Variants in FAM161A observed in about 807,000 individuals in gnomAD.
FAM161A encodes protein FAM161A.
In FAM161A, 57 loss-of-function variants were observed where a neutral mutation model predicts 70.9. That is an observed-to-expected ratio of 0.80 (90% CI 0.65 to 1.00). The LOEUF (loss-of-function observed/expected upper bound fraction) is 1.00, where lower values mean the gene tolerates loss of function less well. FAM161A is among the 50% of genes least tolerant of loss of function. FAM161A has a pLI of 0.00. For synonymous variants in FAM161A, 299 were observed against 295.7 expected (o/e 1.01, Z -0.12); for missense variants, 880 against 836.0 (o/e 1.05, Z -0.65).
the FAM161A span, among the ~76,000 whole-genome samples, chr2:61,815,947 T>C: frequency 6.6e-6 from 1 of 152,116 alleles, no homozygotes; most frequent in African/African-American, 2.4e-5. Flanking sequence ...AGCCTATCCC[T>C]TTTTTCTGTG....
chr2:61,810,931 G>A, the FAM161A span, among the ~76,000 whole-genome samples: 2 of 152,160 alleles, frequency 1.3e-5, no homozygotes, highest in African/African-American at 4.8e-5. Flanking sequence ...GGTAGGCCAG[G>A]AGGATGCAGG....
At chr2:61,847,147 G>A (rs1333038253) in intron 1 of FAM161A, among the ~76,000 whole-genome samples, 5 of 152,026 alleles carry the variant, frequency 3.3e-5, no homozygotes, top group East Asian at 3.9e-4. Context: ...GGGTGACAGA[G>A]TGAGGCTCCA....
intron 1 of FAM161A, among the ~76,000 whole-genome samples, chr2:61,848,709 A>G (rs1673319536): frequency 7.0e-6 from 1 of 143,398 alleles, no homozygotes; most frequent in Admixed American, 7.4e-5. Flanking sequence ...CTGAATTTGT[A>G]AAGAATGAGA....
At chr2:61,821,823 G>A (rs1440851699), downstream of FAM161A, among the ~76,000 whole-genome samples, 1 of 151,894 alleles carries the variant, frequency 6.6e-6, no homozygotes, top group Non-Finnish European at 1.5e-5. Flanking sequence ...GGGCTGGAGT[G>A]CAGTGGCATG....
In FAM161A at chr2:61,825,112, T is replaced by G. The variant is rs1275525927; in HGVS notation, c.*1343A>C. 2 of 451,272 alleles carry G rather than the reference T, an allele frequency of 4.4e-6. No individual in the cohort carries two copies. The highest frequency in any genetic ancestry group is 8.8e-6 in the Non-Finnish European group (2 of 226,092). The allele number at this position is 451,272 out of a possible 1,614,324, so 28.0% of individuals were successfully genotyped here. Reference sequence around the variant, plus strand: ...TGGAAACACTGCTATTACATACACCTGTATTAGTTCATCCTTTTAAAATGA... The same window carrying G: ...TGGAAACACTGCTATTACATACACCGGTATTAGTTCATCCTTTTAAAATGA... On this transcript the variant is annotated 3_prime_UTR_variant, in exon 7 of 7. Coordinates refer to ENST00000404929, the MANE Select transcript of FAM161A (RefSeq NM_001201543.2).
downstream of FAM161A, chr2:61,820,138 C>T (rs2105050377): frequency 2.1e-6 from 1 of 477,078 alleles, no homozygotes; most frequent in East Asian, 3.8e-5. Context: ...TTAATAGACA[C>T]CCACCTTCTG....
intron 4 of FAM161A, among the ~76,000 whole-genome samples, chr2:61,837,243 AAGG>A (rs1407534063): frequency 6.6e-6 from 1 of 152,162 alleles, no homozygotes; most frequent in Non-Finnish European, 1.5e-5. Flanking sequence ...GAGCAAGTCA[AAGG>A]AGAAGTAAAG....
Position 61,838,464 on chromosome 2 carries a change from T to G in FAM161A, c.1751+74A>C, listed in dbSNP as rs545718829. ...AATGCTATTTTCAATCTGCTCATAT[T>G]TTACTATCTACTGATTAAAAAAAAA... is the stretch of plus-strand genomic sequence containing the variant. On this transcript the variant is annotated intron_variant, in intron 4 of 6. Transcript: ENST00000404929. The G allele has an allele frequency of 1.8e-5, 23 of 1,259,314 alleles. 1 individual carries two copies. The highest frequency in any genetic ancestry group is 1.8e-4 in the African/African-American group (12 of 66,466). The allele number at this position is 1,259,314 out of a possible 1,614,324, so 78.0% of individuals were successfully genotyped here.
intron 1 of FAM161A, among the ~76,000 whole-genome samples, chr2:61,853,617 A>G (rs969782136): frequency 2.6e-5 from 4 of 152,248 alleles, no homozygotes; most frequent in African/African-American, 9.6e-5. Context: ...GCAGAGTAAC[A>G]TAAATGTTGT....
chr2:61,836,760 A>G (rs145185067), intron 4 of FAM161A: 10 of 163,756 alleles, frequency 6.1e-5, no homozygotes, highest in Admixed American at 2.4e-4. Context: ...TTTAGTAGAG[A>G]TGAGGGTTTC....
chr2:61,840,232 A>T lies in FAM161A; in HGVS notation c.772T>A (p.Ser258Thr), dbSNP rs747747232. 2 of 1,613,780 alleles carry T rather than the reference A, an allele frequency of 1.2e-6. No homozygotes were observed. Among genetic ancestry groups the T allele is most frequent in the South Asian group, 2.2e-5 (2 of 91,028 alleles). The change falls in exon 3 of 7, where the codon TCT becomes ACT. Residue 258 changes from serine (S) to threonine (T), a missense_variant. Transcript: ENST00000404929. ...EQKKKEESMK[S>T]KSDIEMVHKA... ...TGTACCATTTCGATATCTGATTTAG[A>T]TTTCATGGACTCTTCTTTTTTCTTC...
the FAM161A span, among the ~76,000 whole-genome samples, chr2:61,810,922 G>C: frequency 6.6e-6 from 1 of 152,148 alleles, no homozygotes; most frequent in South Asian, 2.1e-4. Context: ...AAACTCAGAG[G>C]TAGGCCAGGA....
At chr2:61,847,720 TATG>T (rs1353646416) in intron 1 of FAM161A, among the ~76,000 whole-genome samples, 1 of 151,858 alleles carries the variant, frequency 6.6e-6, no homozygotes, top group South Asian at 2.1e-4. Flanking sequence ...TGCAGTGAGC[TATG>T]ATGGAGGCAC....
the FAM161A span, among the ~76,000 whole-genome samples, chr2:61,811,246 G>A: frequency 6.6e-6 from 1 of 152,156 alleles, no homozygotes; most frequent in Non-Finnish European, 1.5e-5. Context: ...CACCCAGACA[G>A]GAGTGCAATG....
chr2:61,832,242 C>A (rs1217156764), intron 5 of FAM161A, among the ~76,000 whole-genome samples: 514 of 137,142 alleles, frequency 3.7e-3, no homozygotes, highest in East Asian at 0.01. Flanking sequence ...GACCCTGTCA[C>A]ACACACACAA....
intron 1 of FAM161A, among the ~76,000 whole-genome samples, chr2:61,842,609 G>C: frequency 6.6e-6 from 1 of 152,186 alleles, no homozygotes; most frequent in East Asian, 1.9e-4. Context: ...ATTTGATAAA[G>C]GATGGTTCAA....
chr2:61,828,241 G>C (rs1257271168), intron 5 of FAM161A, among the ~76,000 whole-genome samples: 2 of 149,084 alleles, frequency 1.3e-5, no homozygotes, highest in East Asian at 3.9e-4. Flanking sequence ...TTTTTATATT[G>C]TACCTAGGTT....
At chr2:61,815,344 T>C in the FAM161A span, among the ~76,000 whole-genome samples, 1 of 152,100 alleles carries the variant, frequency 6.6e-6, no homozygotes, top group Non-Finnish European at 1.5e-5. Context: ...TATGATGGCG[T>C]GCTTGGAGAG....
At chr2:61,834,707 C>A (rs1180227549) in intron 5 of FAM161A, among the ~76,000 whole-genome samples, 1 of 152,126 alleles carries the variant, frequency 6.6e-6, no homozygotes, top group Non-Finnish European at 1.5e-5. Flanking sequence ...AGGTGATCCA[C>A]CTGCTTCGGC....
Sources: gnomAD v4.1 joint callset for allele counts (sites outside exome capture counted in the v4.1 genomes callset) on GRCh38, gnomAD v4.1.1 for gene constraint, MANE v1.5 for transcripts, NCBI Gene and HGNC (gene_info 2026-07-23, HGNC 2026-07-21) for gene names.